The following LAMA4 variants were observed in gnomAD, a reference collection of about 807,000 sequenced individuals.
LAMA4 encodes the protein laminin subunit alpha 4, also known as laminin subunit alpha-4.
Under a neutral mutation model 207.1 loss-of-function variants are expected in LAMA4, and 127 were observed. The ratio of observed to expected loss-of-function variants is 0.61; its 90% CI spans 0.53 to 0.71. The LOEUF is 0.71. Ranked by LOEUF, LAMA4 falls within the 30% of genes least tolerant of loss-of-function variation. LAMA4 has a pLI of 0.00. For synonymous variants in LAMA4, 761 were observed against 816.0 expected (o/e 0.93, Z 1.15); for missense variants, 2,093 against 2,246.5 (o/e 0.93, Z 1.38).
At chr6:112,205,161 C>G (rs1031103415) in intron 4 of LAMA4, among the ~76,000 whole-genome samples, 1 of 152,092 alleles carries the variant, frequency 6.6e-6, no homozygotes, top group Admixed American at 6.6e-5. Flanking sequence ...AATATTACAT[C>G]GAAACACTTA....
intron 2 of LAMA4, among the ~76,000 whole-genome samples, chr6:112,229,909 C>G (rs180791304): frequency 1.3e-5 from 2 of 152,218 alleles, no homozygotes; most frequent in Admixed American, 1.3e-4. Context: ...ATAGGTTTCT[C>G]AATACAATTG....
Position 112,121,730 on chromosome 6 carries a change from T to C in LAMA4, c.4475+284A>G, listed in dbSNP as rs781952055. The C allele has an allele frequency of 5.6e-4, 212 of 379,572 alleles. 1 individual carries two copies. Among genetic ancestry groups the C allele is most frequent in the Non-Finnish European group, 1.7e-4 (33 of 199,662 alleles). 23.5% of individuals were successfully genotyped at this position (379,572 alleles called of 1,614,324 possible). ...ATATCAATGTTAGATGATGAGTCAT[T>C]TGAAACTTGCTCCATCTTCCTTTCC... On this transcript the variant is annotated intron_variant, in intron 32 of 38. Transcript: ENST00000230538.
intron 2 of LAMA4, among the ~76,000 whole-genome samples, chr6:112,222,822 T>C (rs1784997306): frequency 6.6e-6 from 1 of 152,208 alleles, no homozygotes; most frequent in Non-Finnish European, 1.5e-5. Flanking sequence ...TTTGTCTAAT[T>C]GAAACAATAA....
intron 2 of LAMA4, among the ~76,000 whole-genome samples, chr6:112,238,619 A>T (rs1786117180): frequency 6.6e-6 from 1 of 152,188 alleles, no homozygotes; most frequent in African/African-American, 2.4e-5. Flanking sequence ...AGGCAGGAGA[A>T]TAGCTTGAAC....
Position 112,117,861 on chromosome 6 carries a change from T to C in LAMA4, c.4859A>G (p.Asn1620Ser), listed in dbSNP as rs1554324514. 1 of 1,613,698 alleles carries C rather than the reference T, an allele frequency of 6.2e-7. No homozygotes were observed. The highest frequency in any genetic ancestry group is 1.7e-5 in the Admixed American group (1 of 59,986). The part of the protein sequence containing the change: ...SIYSFSGCLS[N>S]LQLNGASITS... The stretch of plus-strand genomic sequence containing the variant: ...GATGGAGGCCCCATTGAGCTGGAGA[T>C]TGCTGAGACAGCCACTAAAACTGTA... Residue 1620 changes from asparagine to serine, a missense_variant, in exon 35 of 39, where the codon AAT (asparagine) becomes AGT (serine). By Grantham distance (46) the Asn-to-Ser change is conservative. Coordinates refer to ENST00000230538, the MANE Select transcript of LAMA4 (RefSeq NM_001105206.3). This position sits in a 1 kb window ranked among gnomAD's most constrained non-coding sequence, Gnocchi z 4.5.
chr6:112,241,117 A>ATATATATGAATATATATATT (rs1786405530), intron 2 of LAMA4, among the ~76,000 whole-genome samples: 17 of 107,596 alleles, frequency 1.6e-4, no homozygotes, highest in Non-Finnish European at 2.4e-4. Context: ...ATATATATGA[A>ATATATATGAATATATATATT]TATATATATG....
chr6:112,139,609 G>GT, intron 23 of LAMA4, 143 bp downstream of exon 23: 2 of 997,522 alleles, frequency 2.0e-6, no homozygotes, highest in Non-Finnish European at 3.1e-6. Flanking sequence ...CAGGTGAAGA[G>GT]TTTTTTGCAG....
chr6:112,240,211 C>A (rs193288390), intron 2 of LAMA4, among the ~76,000 whole-genome samples: 11 of 152,116 alleles, frequency 7.2e-5, no homozygotes, highest in Middle Eastern at 3.4e-3. Flanking sequence ...AATCATTTCT[C>A]CTGAGGTCAT....
In LAMA4 at chr6:112,140,819, G is replaced by A. The variant is rs1554332949; in HGVS notation, c.2917C>T (p.Leu973=). The change falls in exon 22 of 39, where the codon CTG becomes TTG. Residue 973 remains leucine (L), a synonymous_variant. Transcript: ENST00000230538. ...ACTGTGTCCTCAGGGTCCAGGTCCAGCAGAGAGTCATCTCCCGAAAATTCC... is the reference window on the plus strand; with the variant it reads ...ACTGTGTCCTCAGGGTCCAGGTCCAACAGAGAGTCATCTCCCGAAAATTCC... ...KGEFSGDDSL[L]DLDPEDTVFY... is the part of the protein sequence containing the mutation. The A allele has an allele frequency of 2.5e-6, 4 of 1,614,036 alleles. No homozygotes were observed. Among genetic ancestry groups the A allele is most frequent in the Non-Finnish European group, 3.4e-6 (4 of 1,179,938 alleles).
chr6:112,186,121 C>A (rs2114934365), intron 8 of LAMA4, among the ~76,000 whole-genome samples: 1 of 152,342 alleles, frequency 6.6e-6, no homozygotes, highest in East Asian at 1.9e-4. Context: ...TGGCCAACTG[C>A]TATGGATATC....
At chr6:112,194,228 A>G (rs3777932) in intron 5 of LAMA4, among the ~76,000 whole-genome samples, 36,286 of 152,158 alleles carry the variant, frequency 0.24, 6,302 homozygotes, top group African/African-American at 0.49. Flanking sequence ...GACTGAAATG[A>G]GACTCAGATC....
In LAMA4 at chr6:112,122,254, G is replaced by C; in HGVS notation, c.4288-53C>G. The C allele has an allele frequency of 2.2e-6, 3 of 1,367,922 alleles. No individual in the cohort carries two copies. The Admixed American group carries it at 5.1e-5, about 23-fold the overall frequency. The allele number at this position is 1,367,922 out of a possible 1,614,324, so 84.7% of individuals were successfully genotyped here. On this transcript the variant is annotated intron_variant, in intron 31 of 38. Transcript: ENST00000230538. ...AAAAGTGACATACTAGCAGCAAAAAGTAATTTGTGATGTCCTCATCATTAA... is the reference window on the plus strand; with the variant it reads ...AAAAGTGACATACTAGCAGCAAAAACTAATTTGTGATGTCCTCATCATTAA...
intron 2 of LAMA4, among the ~76,000 whole-genome samples, chr6:112,224,427 C>A (rs1785090894): frequency 6.6e-6 from 1 of 152,178 alleles, no homozygotes; most frequent in Non-Finnish European, 1.5e-5. Flanking sequence ...GCTCTGCTTC[C>A]TTCATGCTAT....
chr6:112,174,273 C>T (rs1280695723), intron 11 of LAMA4, among the ~76,000 whole-genome samples: 3 of 152,168 alleles, frequency 2.0e-5, no homozygotes, highest in Non-Finnish European at 2.9e-5. Context: ...TTAAAGCTGC[C>T]GTTATGTGAA....
At chr6:112,253,710 C>G in intron 2 of LAMA4, 1 of 1,598,714 alleles carries the variant, frequency 6.3e-7, no homozygotes, top group Non-Finnish European at 8.6e-7. Flanking sequence ...ACTCAGAGCA[C>G]CAACACATGC....
intron 23 of LAMA4, 106 bp from the exon 24 acceptor site, chr6:112,139,397 C>CA: frequency 8.2e-7 from 1 of 1,213,182 alleles, no homozygotes; most frequent in South Asian, 1.2e-5. Flanking sequence ...GACCTTACAA[C>CA]ATTTAAATGA....
chr6:112,130,528 C>T (rs527783272), intron 29 of LAMA4, among the ~76,000 whole-genome samples: 29 of 152,016 alleles, frequency 1.9e-4, no homozygotes, highest in Middle Eastern at 6.8e-3. Context: ...CAGAAAATTT[C>T]TTATTATGAA....
chr6:112,248,324 C>T (rs1787152880), intron 2 of LAMA4, among the ~76,000 whole-genome samples: 2 of 151,134 alleles, frequency 1.3e-5, no homozygotes, highest in South Asian at 4.2e-4. Context: ...CACGGTGAAA[C>T]CCGTCTCTAC....
Position 112,190,934 on chromosome 6 carries a change from T to TCCTTTC in LAMA4, c.718+701_718+702insGAAAGG, listed in dbSNP as rs1491506479. On this transcript the variant is annotated intron_variant, in intron 6 of 38. Coordinates refer to ENST00000230538, the MANE Select transcript of LAMA4 (RefSeq NM_001105206.3). ...TTCTTTCTTTCTTTCTTTCTTTCTT[T>TCCTTTC]CTTTCTTTCTTTCCTTTCTTTCTTT... is the stretch of plus-strand genomic sequence containing the variant. 3.5e-4 allele frequency among the ~76,000 whole-genome samples: 22 copies of TCCTTTC among 62,762 alleles called. No homozygotes were observed. In the South Asian group the frequency reaches 0.01, roughly 29 times the overall value. The allele number at this position is 62,762 out of a possible 152,430, so 41.2% of individuals were successfully genotyped here.
Sources: gnomAD v4.1 joint callset for allele counts (sites outside exome capture counted in the v4.1 genomes callset) on GRCh38, gnomAD v4.1.1 for gene constraint, Gnocchi (gnomAD v3.1) non-coding constraint, MANE v1.5 for transcripts, NCBI Gene and HGNC (gene_info 2026-07-23, HGNC 2026-07-21) for gene names.